The following CELF6 variants were observed in gnomAD, a reference collection of about 807,000 sequenced individuals.
CELF6 encodes CUGBP Elav-like family member 6, also known as Bruno -like 6, RNA binding protein.
Under a neutral mutation model 53.1 loss-of-function variants are expected in CELF6, and 32 were observed. That is an observed-to-expected ratio of 0.60 (90% CI 0.46 to 0.81). The LOEUF is 0.81. CELF6 is among the 30% of genes least tolerant of loss of function. CELF6 has a pLI of 0.00. For missense variants in CELF6, 539 were observed against 669.5 expected, an observed-to-expected ratio of 0.81 and a Z score of 2.15; for synonymous variants, 291 against 288.8, an observed-to-expected ratio of 1.01 and a Z score of -0.08.
In CELF6 at chr15:72,289,152, A is replaced by G; in HGVS notation, c.1016T>C (p.Leu339Pro). 6.5e-7 allele frequency: 1 copy of G among 1,541,278 alleles called. No homozygotes were observed. Among genetic ancestry groups the G allele is most frequent in the South Asian group, 1.3e-5 (1 of 79,676 alleles). ...PGSDTLYNNGLSPYPAQSPGV... is the reference protein window; with the variant it reads ...PGSDTLYNNGPSPYPAQSPGV... ...GGGGGGCCCACCTGGATAAGGGGAG[A>G]GCCCGTTATTGTAGAGCGTGTCGGA... The change falls in exon 8 of 13, where the codon CTC (leucine) becomes CCC (proline). Residue 339 changes from leucine (L) to proline (P), a missense_variant. By Grantham distance (98) the Leu-to-Pro change is moderately conservative. This residue lies in a region of CELF6 where 358 missense variants were observed against 412.8 expected (regional missense o/e 0.87). Transcript: ENST00000287202. The surrounding 1 kb of genome is among the most constrained non-coding windows in gnomAD (Gnocchi z 7.6).
chr15:72,299,222 C>T (rs2088118823), intron 3 of CELF6, among the ~76,000 whole-genome samples: 1 of 151,444 alleles, frequency 6.6e-6, no homozygotes, highest in Non-Finnish European at 1.5e-5. Flanking sequence ...GGCAACAGAG[C>T]GAGACTCCAT....
At position 72,289,197 on chromosome 15, in the gene CELF6, T is replaced by TG. The variant is rs1441514864; in HGVS notation, c.970dup (p.Gln324ProfsTer14). The TG allele has an allele frequency of 2.5e-6, 4 of 1,569,502 alleles. No individual in the cohort carries two copies. The highest frequency in any genetic ancestry group is 2.1e-5 in the Admixed American group (1 of 47,036). On this transcript the variant is annotated frameshift_variant, in exon 8 of 13. Coordinates refer to ENST00000287202, the MANE Select transcript of CELF6 (RefSeq NM_052840.5). LOFTEE classifies it high-confidence loss of function. This position sits in a 1 kb window ranked among gnomAD's most constrained non-coding sequence, Gnocchi z 7.6. ...GTCGGAGCCCGGCTGGCCATTGGTCTGGGGGGTCAGAGGGCCGAATCCATT... is the reference window on the plus strand; with the variant it reads ...GTCGGAGCCCGGCTGGCCATTGGTCTGGGGGGGTCAGAGGGCCGAATCCATT...
intron 2 of CELF6, among the ~76,000 whole-genome samples, chr15:72,315,345 T>A (rs1001235806): frequency 5.3e-5 from 8 of 152,072 alleles, no homozygotes; most frequent in Admixed American, 2.0e-4. Context: ...TAGAATCAGG[T>A]CTCCCCTAAC....
chr15:72,304,745 C>T lies in CELF6; in HGVS notation c.394+1G>A. ...TGAGGTTGGTCAGACAGGGAAGTTA[C>T]CTCCTCGGCCCTCACTGGCAGCTGG... On this transcript the variant is annotated splice_donor_variant, in intron 3 of 12. Transcript: ENST00000287202. LOFTEE classifies it high-confidence loss of function. 1 of 1,614,096 alleles carries T rather than the reference C, an allele frequency of 6.2e-7. No individual in the cohort carries two copies. The highest frequency in any genetic ancestry group is 8.5e-7 in the Non-Finnish European group (1 of 1,179,970).
intron 2 of CELF6, among the ~76,000 whole-genome samples, chr15:72,307,544 A>T (rs889784670): frequency 6.6e-6 from 1 of 152,210 alleles, no homozygotes; most frequent in Non-Finnish European, 1.5e-5. Flanking sequence ...CCACTCTTCA[A>T]GGGAATACAA....
intron 3 of CELF6, among the ~76,000 whole-genome samples, chr15:72,297,035 T>G (rs1002888556): frequency 3.3e-5 from 5 of 152,200 alleles, no homozygotes; most frequent in African/African-American, 1.2e-4. Flanking sequence ...TTTTATATAT[T>G]TATGGGGTAC....
chr15:72,290,981 C>T (rs1364511811), intron 3 of CELF6, among the ~76,000 whole-genome samples: 4 of 152,210 alleles, frequency 2.6e-5, no homozygotes, highest in Admixed American at 1.3e-4. Flanking sequence ...TTCCTTAACT[C>T]CCACCTCCAC....
intron 1 of CELF6, among the ~76,000 whole-genome samples, chr15:72,317,777 C>T (rs1343228674): frequency 6.6e-6 from 1 of 152,144 alleles, no homozygotes. Flanking sequence ...TTGCTACCAA[C>T]CCATATCACC....
Position 72,288,247 on chromosome 15 carries a change from T to C in CELF6, c.1318+61A>G. The C allele has an allele frequency of 6.5e-7, 1 of 1,545,226 alleles. No homozygotes were observed. Among genetic ancestry groups the C allele is most frequent in the Non-Finnish European group, 8.9e-7 (1 of 1,117,578 alleles). On this transcript the variant is annotated intron_variant, in intron 11 of 12. Transcript: ENST00000287202. This position sits in a 1 kb window ranked among gnomAD's most constrained non-coding sequence, Gnocchi z 4.6. ...GCATTATGGAAGGGCAATCGTAGGG[T>C]CTGTAGGAAATCCTTTATAGTCAGA... is the stretch of plus-strand genomic sequence containing the variant.
At position 72,289,989 on chromosome 15, in the gene CELF6, C is replaced by T; in HGVS notation, c.553G>A (p.Gly185Arg). 1 of 1,597,876 alleles carries T rather than the reference C, an allele frequency of 6.3e-7. No individual in the cohort carries two copies. Among genetic ancestry groups the T allele is most frequent in the Non-Finnish European group, 8.5e-7 (1 of 1,172,576 alleles). Residue 185 changes from glycine (G) to arginine (R), a missense_variant, in exon 5 of 13, where the codon GGG becomes AGG. By Grantham distance (125) the Gly-to-Arg change is moderately radical (BLOSUM62 -2). Around this residue, in one of 3 missense-constraint regions of CELF6, gnomAD observed 358 missense variants for 412.8 expected, o/e 0.87. Coordinates refer to ENST00000287202, the MANE Select transcript of CELF6 (RefSeq NM_052840.5). This position sits in a 1 kb window ranked among gnomAD's most constrained non-coding sequence, Gnocchi z 7.6. ...GCAFVKFGSQ[G>R]EAQAAIRGLH... is the part of the protein sequence containing the mutation. Reference sequence around the variant, plus strand: ...CCCCGGATGGCCGCCTGAGCTTCCCCTTGACTCCCGAACTTCACAAAGGCA... The same window carrying T: ...CCCCGGATGGCCGCCTGAGCTTCCCTTTGACTCCCGAACTTCACAAAGGCA...
chr15:72,290,425 A>C (rs988793809), intron 3 of CELF6, among the ~76,000 whole-genome samples, 170 bp from the exon 4 acceptor site: 1 of 152,100 alleles, frequency 6.6e-6, no homozygotes, highest in Non-Finnish European at 1.5e-5. Flanking sequence ...GATCTGGGGA[A>C]GGGATCTGGA....
At position 72,289,196 on chromosome 15, in the gene CELF6, C is replaced by T. The variant is rs758176943; in HGVS notation, c.972G>A (p.Gln324=). 6 of 1,569,566 alleles carry T rather than the reference C, an allele frequency of 3.8e-6. No individual in the cohort carries two copies. Among genetic ancestry groups the T allele is most frequent in the Non-Finnish European group, 5.1e-6 (6 of 1,166,592 alleles). The change falls in exon 8 of 13, where the codon CAG becomes CAA. Residue 324 remains glutamine, a synonymous_variant. Transcript: ENST00000287202. This position sits in a 1 kb window ranked among gnomAD's most constrained non-coding sequence, Gnocchi z 7.6. ...GVNGFGPLTP[Q]TNGQPGSDTL... ...TGTCGGAGCCCGGCTGGCCATTGGT[C>T]TGGGGGGTCAGAGGGCCGAATCCAT...
At chr15:72,295,637 A>T (rs1237758339) in intron 3 of CELF6, among the ~76,000 whole-genome samples, 1 of 150,824 alleles carries the variant, frequency 6.6e-6, no homozygotes, top group Non-Finnish European at 1.5e-5. Context: ...GCTGAGGCAG[A>T]ATTGCTTGAA....
Position 72,292,133 on chromosome 15 carries a change from C to G in CELF6, c.395-1878G>C, listed in dbSNP as rs897284924. On this transcript the variant is annotated intron_variant, in intron 3 of 12. Transcript: ENST00000287202. ...CCAGAAAAGGAGGGGTGGAGTTCAT[C>G]TTGCTTGATCCTCCCCTAATACTCC... The G allele has an allele frequency of 1.3e-5, 15 of 1,170,472 alleles. No individual in the cohort carries two copies. In the African/African-American group the frequency reaches 2.0e-4, roughly 16 times the overall value. 72.5% of individuals were successfully genotyped at this position (1,170,472 alleles called of 1,614,324 possible).
Position 72,319,925 on chromosome 15 carries a change from G to A in CELF6, c.-51C>T. The A allele has an allele frequency of 7.1e-7, 1 of 1,410,574 alleles. No individual in the cohort carries two copies. The highest frequency in any genetic ancestry group is 9.2e-7 in the Non-Finnish European group (1 of 1,089,868). 87.4% of individuals were successfully genotyped at this position (1,410,574 alleles called of 1,614,324 possible). On this transcript the variant is annotated 5_prime_UTR_variant, in exon 1 of 13. Transcript: ENST00000287202. This position sits in a 1 kb window ranked among gnomAD's most constrained non-coding sequence, Gnocchi z 5.0. Reference sequence around the variant, plus strand: ...CGGTCCCACTGGTCCCGCCTGTCCCGCCGTCCCCTCCCTGGACCGGTGGCG... The same window carrying A: ...CGGTCCCACTGGTCCCGCCTGTCCCACCGTCCCCTCCCTGGACCGGTGGCG...
chr15:72,299,629 AG>A (rs2088126431), intron 3 of CELF6, among the ~76,000 whole-genome samples: 1 of 152,118 alleles, frequency 6.6e-6, no homozygotes, highest in Non-Finnish European at 1.5e-5. Flanking sequence ...CCAAAATGCT[AG>A]GATTACAGGC....
intron 3 of CELF6, among the ~76,000 whole-genome samples, chr15:72,292,975 C>T (rs1310221905): frequency 2.6e-5 from 4 of 152,148 alleles, no homozygotes; most frequent in East Asian, 3.8e-4. Context: ...TACAGTGAGC[C>T]GAGATTGTAC....
chr15:72,305,042 G>A (rs924573989), intron 2 of CELF6, among the ~76,000 whole-genome samples: 46 of 152,168 alleles, frequency 3.0e-4, no homozygotes, highest in Non-Finnish European at 1.0e-4. Flanking sequence ...GGAATGAAGC[G>A]GCTAAAGAGA....
At chr15:72,303,943 C>T (rs535055356) in intron 3 of CELF6, among the ~76,000 whole-genome samples, 7 of 152,172 alleles carry the variant, frequency 4.6e-5, no homozygotes, top group South Asian at 2.1e-4. Flanking sequence ...CTACAACCTC[C>T]GCCTCCCAGG....
Sources: allele counts gnomAD v4.1 joint callset (sites outside exome capture counted in the v4.1 genomes callset), GRCh38; gene constraint gnomAD v4.1.1; regional missense constraint gnomAD v4.1.1; non-coding constraint Gnocchi (gnomAD v3.1); transcripts MANE v1.5; gene names NCBI Gene and HGNC (gene_info 2026-07-23, HGNC 2026-07-21).